Variants in SRFBP1 observed in about 807,000 individuals in gnomAD.
The protein encoded by SRFBP1 is serum response factor binding protein 1.
SRFBP1 carries 47 observed loss-of-function variants against 45.5 expected under a neutral mutation model. The ratio of observed to expected loss-of-function variants is 1.03; its 90% CI spans 0.82 to 1.32. The LOEUF is 1.32. Among genes scored for constraint, SRFBP1 ranks in the 40% most tolerant of loss-of-function variants. SRFBP1 has a pLI of 0.00. For missense variants in SRFBP1, 621 were observed against 484.6 expected, an observed-to-expected ratio of 1.28 and a Z score of -2.64; for synonymous variants, 203 against 166.3, an observed-to-expected ratio of 1.22 and a Z score of -1.70.
At chr5:122,070,663 G>T (rs1754424604) in intron 2 of SRFBP1, 2 of 749,828 alleles carry the variant, frequency 2.7e-6, no homozygotes, top group South Asian at 1.9e-5. Context: ...GCTATTATTT[G>T]CAAATTAAAT....
chr5:122,045,287 G>A (rs1021579245), intron 2 of SRFBP1, among the ~76,000 whole-genome samples: 1 of 152,156 alleles, frequency 6.6e-6, no homozygotes, highest in Admixed American at 6.6e-5. Flanking sequence ...GTCAGGTAGT[G>A]TGATGCCTCC....
intron 4 of SRFBP1, among the ~76,000 whole-genome samples, chr5:122,007,137 C>A (rs919021314): frequency 6.6e-5 from 10 of 152,088 alleles, no homozygotes; most frequent in Non-Finnish European, 1.5e-4. Flanking sequence ...CTGCTGGAAT[C>A]TTTGGGCATG....
intron 2 of SRFBP1, among the ~76,000 whole-genome samples, chr5:122,049,592 C>G (rs189044201): frequency 8.6e-5 from 13 of 151,948 alleles, no homozygotes; most frequent in Non-Finnish European, 1.0e-4. Flanking sequence ...AGCACCACCC[C>G]GCACTTATAC....
chr5:121,988,163 A>G (rs1322727836), intron 3 of SRFBP1, among the ~76,000 whole-genome samples: 1 of 152,212 alleles, frequency 6.6e-6, no homozygotes, highest in East Asian at 1.9e-4. Flanking sequence ...ATAATTAGGA[A>G]GGAATTCAAA....
chr5:122,021,769 C>G (rs936005647), intron 6 of SRFBP1, among the ~76,000 whole-genome samples: 1 of 150,046 alleles, frequency 6.7e-6, no homozygotes, highest in Non-Finnish European at 1.5e-5. Flanking sequence ...CTCTGCCTCC[C>G]AGGTTCAAGC....
intron 3 of SRFBP1, among the ~76,000 whole-genome samples, chr5:121,992,834 T>C (rs1752645193): frequency 6.6e-6 from 1 of 152,142 alleles, no homozygotes; most frequent in African/African-American, 2.4e-5. Context: ...TTAAGTTTAA[T>C]ATCTACCATG....
intron 2 of SRFBP1, among the ~76,000 whole-genome samples, chr5:122,035,149 A>C (rs142425330): frequency 6.6e-6 from 1 of 151,980 alleles, no homozygotes; most frequent in Non-Finnish European, 1.5e-5. Context: ...CCAGTGGCTT[A>C]AGTTTTTGTT....
chr5:122,016,867 TAGTC>T (rs1753202453), intron 4 of SRFBP1, among the ~76,000 whole-genome samples: 1 of 152,212 alleles, frequency 6.6e-6, no homozygotes, highest in East Asian at 1.9e-4. Context: ...CTGTGTCTAA[TAGTC>T]AGAATAGATG....
chr5:121,990,374 C>A (rs539004351), intron 3 of SRFBP1, among the ~76,000 whole-genome samples: 1 of 152,260 alleles, frequency 6.6e-6, no homozygotes, highest in African/African-American at 2.4e-5. Flanking sequence ...AGGAGCTAAT[C>A]ATTGAGTACC....
rs113897447 is a variant in SRFBP1, at chr5:122,017,458, T to A, written c.271-1802T>A. 6.6e-3 allele frequency among the ~76,000 whole-genome samples: 1,002 copies of A among 152,292 alleles called. 18 individuals carry two copies. The highest frequency in any genetic ancestry group is 0.023 in the African/African-American group (960 of 41,546). Reference sequence around the variant, plus strand: ...CTATATCAAAATATTCTTCTCCTTATAAGGAAACCAGTCTTACTGGGCTTA... The same window carrying A: ...CTATATCAAAATATTCTTCTCCTTAAAAGGAAACCAGTCTTACTGGGCTTA... On this transcript the variant is annotated intron_variant, in intron 4 of 7. Coordinates refer to ENST00000339397, the MANE Select transcript of SRFBP1 (RefSeq NM_152546.3).
At chr5:121,987,048 C>T (rs538123123) in intron 3 of SRFBP1, among the ~76,000 whole-genome samples, 4 of 152,066 alleles carry the variant, frequency 2.6e-5, no homozygotes, top group African/African-American at 9.6e-5. Context: ...TTCTGTATTC[C>T]GAATGGTGAT....
intron 4 of SRFBP1, among the ~76,000 whole-genome samples, chr5:122,017,308 A>G (rs188058055): frequency 1.8e-4 from 27 of 152,302 alleles, no homozygotes; most frequent in African/African-American, 5.1e-4. Context: ...GTGAGGCCAC[A>G]CTTTCTCTGG....
chr5:122,051,543 G>C (rs1208688148), intron 2 of SRFBP1, among the ~76,000 whole-genome samples: 5 of 150,606 alleles, frequency 3.3e-5, no homozygotes, highest in Non-Finnish European at 7.4e-5. Context: ...ATCATTGTTG[G>C]TTTAAAGTCT....
At position 121,964,935 on chromosome 5, in the gene SRFBP1, A is replaced by G. The variant is rs377670434; in HGVS notation, c.36+2867A>G. On this transcript the variant is annotated intron_variant, in intron 1 of 7. Transcript: ENST00000339397. ...TTGTGGTTTGGATTTGCATATCTCT[A>G]ATGACCACTGGTGATGAGCATTTTT... Among the ~76,000 whole-genome samples, 131 of 152,296 alleles carry G rather than the reference A, an allele frequency of 8.6e-4. 4 individuals carry two copies. The South Asian group carries it at 0.023, about 27-fold the overall frequency.
chr5:121,999,571 A>C (rs564400472), intron 4 of SRFBP1, among the ~76,000 whole-genome samples: 3 of 152,012 alleles, frequency 2.0e-5, no homozygotes, highest in East Asian at 3.9e-4. Context: ...CAGTTTGCCT[A>C]TTTGATCTTT....
chr5:122,074,591 T>A (rs1754559830), intron 2 of SRFBP1, among the ~76,000 whole-genome samples: 1 of 152,204 alleles, frequency 6.6e-6, no homozygotes. Flanking sequence ...AAAATTGAGT[T>A]CTCACATATT....
At chr5:121,977,735 A>G (rs1023052119) in intron 3 of SRFBP1, among the ~76,000 whole-genome samples, 1 of 152,046 alleles carries the variant, frequency 6.6e-6, no homozygotes, top group African/African-American at 2.4e-5. Flanking sequence ...CTTGCTTTCT[A>G]TAATAATAGG....
chr5:122,008,589 CT>C (rs1214290755), intron 4 of SRFBP1, among the ~76,000 whole-genome samples: 1 of 151,990 alleles, frequency 6.6e-6, no homozygotes, highest in Non-Finnish European at 1.5e-5. Context: ...TGTTGTTTTT[CT>C]TTTTTTCTAA....
chr5:122,047,698 TTGTTTGTA>T (rs1753890044), intron 2 of SRFBP1, among the ~76,000 whole-genome samples: 1 of 152,218 alleles, frequency 6.6e-6, no homozygotes, highest in Admixed American at 6.5e-5. Flanking sequence ...GTTCTTCCAT[TTGTTTGTA>T]TCCTCTTTTA....
Sources: allele counts gnomAD v4.1 joint callset (sites outside exome capture counted in the v4.1 genomes callset), GRCh38; gene constraint gnomAD v4.1.1; transcripts MANE v1.5; gene names NCBI Gene and HGNC (gene_info 2026-07-23, HGNC 2026-07-21).